Variants in CDK5 observed in about 807,000 individuals in gnomAD.
CDK5 encodes the protein cyclin dependent kinase 5.
Under a neutral mutation model 44.6 loss-of-function variants are expected in CDK5, and 18 were observed. That is an observed-to-expected ratio of 0.40 (90% CI 0.28 to 0.60). CDK5 has a LOEUF of 0.60. Among genes scored for constraint, CDK5 ranks in the 20% least tolerant of loss-of-function variants. The probability of loss-of-function intolerance (pLI) is 0.38; values close to 1 mark genes in which losing one functional copy is unlikely to be tolerated. For synonymous variants in CDK5, 143 were observed against 152.8 expected (o/e 0.94, Z 0.47); for missense variants, 198 against 368.1 (o/e 0.54, Z 3.78).
Position 151,056,051 on chromosome 7 carries a change from G to A in CDK5, c.313-203C>T, listed in dbSNP as rs1584973768. ...TAGAGGGACCAAAGTAAAGAAGCTGGCTCTGGTCCCCACCTTCCTGGACCA... is the reference window on the plus strand; with the variant it reads ...TAGAGGGACCAAAGTAAAGAAGCTGACTCTGGTCCCCACCTTCCTGGACCA... On this transcript the variant is annotated intron_variant, in intron 5 of 11. Coordinates refer to ENST00000485972, the MANE Select transcript of CDK5 (RefSeq NM_004935.4). This position sits in a 1 kb window ranked among gnomAD's most constrained non-coding sequence, Gnocchi z 4.7. 4 of 585,904 alleles carry A rather than the reference G, an allele frequency of 6.8e-6. No individual in the cohort carries two copies. The East Asian group carries it at 1.1e-4, about 16-fold the overall frequency. The allele number at this position is 585,904 out of a possible 1,614,324, so 36.3% of individuals were successfully genotyped here. A position where few individuals can be genotyped will look rare whatever the true frequency, so the allele number is the denominator to read the frequency against.
In CDK5 at chr7:151,054,137, A is replaced by C. The variant is rs1243535194; in HGVS notation, c.793-42T>G. ...GGAGGTGGCAGGTTCAGGACAGGTCACTGCCCAGAGCCCTGCCTTCCTGTA... is the reference window on the plus strand; with the variant it reads ...GGAGGTGGCAGGTTCAGGACAGGTCCCTGCCCAGAGCCCTGCCTTCCTGTA... On this transcript the variant is annotated intron_variant, in intron 11 of 11. Coordinates refer to ENST00000485972, the MANE Select transcript of CDK5 (RefSeq NM_004935.4). The surrounding 1 kb of genome is among the most constrained non-coding windows in gnomAD (Gnocchi z 5.7). 6.3e-6 allele frequency: 10 copies of C among 1,588,164 alleles called. No individual in the cohort carries two copies. Among genetic ancestry groups the C allele is most frequent in the Non-Finnish European group, 8.6e-6 (10 of 1,166,082 alleles).
rs750673037 is a variant in CDK5, at chr7:151,054,511, T to C, written c.651-46A>G. On this transcript the variant is annotated intron_variant, in intron 9 of 11. Coordinates refer to ENST00000485972, the MANE Select transcript of CDK5 (RefSeq NM_004935.4). This position sits in a 1 kb window ranked among gnomAD's most constrained non-coding sequence, Gnocchi z 5.7. ...CACTTGGGAAAGGGCCACAGCTGCA[T>C]CTTCAGGGGCAGGGTGAGGGCCTCT... The C allele has an allele frequency of 6.4e-7, 1 of 1,558,226 alleles. No homozygotes were observed. Among genetic ancestry groups the C allele is most frequent in the East Asian group, 2.3e-5 (1 of 44,360 alleles).
In CDK5 at chr7:151,055,519, T is replaced by C. The variant is rs759877946; in HGVS notation, c.483+13A>G. The C allele has an allele frequency of 1.9e-6, 3 of 1,612,616 alleles. No homozygotes were observed. Among genetic ancestry groups the C allele is most frequent in the Non-Finnish European group, 2.5e-6 (3 of 1,178,834 alleles). On this transcript the variant is annotated intron_variant, in intron 7 of 11. Transcript: ENST00000485972. ...CTCCCTCCCCCAATCCCATATCCCA[T>C]CTTCTAGCTCACCTCAGCTGAGTAA...
Position 151,057,612 on chromosome 7 carries a change from T to C in CDK5, c.37+200A>G, listed in dbSNP as rs2069444. On this transcript the variant is annotated intron_variant, in intron 1 of 11. Coordinates refer to ENST00000485972, the MANE Select transcript of CDK5 (RefSeq NM_004935.4). This position sits in a 1 kb window ranked among gnomAD's most constrained non-coding sequence, Gnocchi z 5.2. ...GTCGGGTCTACTGGGAACGCTAAGG[T>C]TGGAGTGAGAGCCCTGCGGGAAATG... 7.5e-3 allele frequency: 5,150 copies of C among 683,516 alleles called. 37 individuals carry two copies. The highest frequency in any genetic ancestry group is 9.3e-3 in the Non-Finnish European group (3,566 of 384,386). 42.3% of individuals were successfully genotyped at this position (683,516 alleles called of 1,614,324 possible).
Position 151,056,499 on chromosome 7 carries a change from A to G in CDK5, c.312+81T>C. 7.5e-7 allele frequency: 1 copy of G among 1,326,232 alleles called. No homozygotes were observed. The highest frequency in any genetic ancestry group is 2.4e-5 in the East Asian group (1 of 42,098). The allele number at this position is 1,326,232 out of a possible 1,614,324, so 82.2% of individuals were successfully genotyped here. On this transcript the variant is annotated intron_variant, in intron 5 of 11. Coordinates refer to ENST00000485972, the MANE Select transcript of CDK5 (RefSeq NM_004935.4). The surrounding 1 kb of genome is among the most constrained non-coding windows in gnomAD (Gnocchi z 4.7). ...CTAGAGTGTCCCTGTTCAGGGCCCA[A>G]ACTTAGAGCCCAAGGGGTGCTTACA...
chr7:151,056,932 T>C lies in CDK5; in HGVS notation c.170A>G (p.Glu57Gly). 1 of 1,613,230 alleles carries C rather than the reference T, an allele frequency of 6.2e-7. No homozygotes were observed. The highest frequency in any genetic ancestry group is 8.5e-7 in the Non-Finnish European group (1 of 1,179,574). Residue 57 changes from glutamate to glycine, a missense_variant, in exon 3 of 12, where the codon GAG becomes GGG. Coordinates refer to ENST00000485972, the MANE Select transcript of CDK5 (RefSeq NM_004935.4). This position sits in a 1 kb window ranked among gnomAD's most constrained non-coding sequence, Gnocchi z 4.7. ...SALREICLLK[E>G]LKHKNIVRLH... ...CCTGACGATGTTCTTGTGCTTCAGC[T>C]CCTTGAGTAGGCAGATCTCCCGGAG...
chr7:151,055,134 A>C (rs1323693797), intron 8 of CDK5, 38 bp from the exon 9 acceptor site: 3 of 1,595,192 alleles, frequency 1.9e-6, no homozygotes, highest in Non-Finnish European at 8.6e-7. Flanking sequence ...TGACATGTGA[A>C]GGACCCCTCA....
At chr7:151,055,163 C>T (rs1796869978) in intron 8 of CDK5, 67 bp from the exon 9 acceptor site, 3 of 1,573,098 alleles carry the variant, frequency 1.9e-6, no homozygotes, top group Non-Finnish European at 1.7e-6. Flanking sequence ...TACCCCCTGA[C>T]CTTCCAGCTC....
Position 151,055,521 on chromosome 7 carries a change from T to G in CDK5, c.483+11A>C, listed in dbSNP as rs2069456. 390,717 of 1,611,246 alleles carry G rather than the reference T, an allele frequency of 0.24. 50,996 individuals carry two copies. Among genetic ancestry groups the G allele is most frequent in the Admixed American group, 0.52 (31,025 of 59,912 alleles). ...CCCTCCCCCAATCCCATATCCCATC[T>G]TCTAGCTCACCTCAGCTGAGTAACA... On this transcript the variant is annotated intron_variant, in intron 7 of 11. Coordinates refer to ENST00000485972, the MANE Select transcript of CDK5 (RefSeq NM_004935.4).
In CDK5 at chr7:151,054,851, A is replaced by G. The variant is rs1057106868; in HGVS notation, c.650+176T>C. On this transcript the variant is annotated intron_variant, in intron 9 of 11. Coordinates refer to ENST00000485972, the MANE Select transcript of CDK5 (RefSeq NM_004935.4). This position sits in a 1 kb window ranked among gnomAD's most constrained non-coding sequence, Gnocchi z 5.7. ...CCAAGCCACACCTTCTCCAGTGTGC[A>G]TTTGCACTGTGACAATCAGGGTGTC... Among the ~76,000 whole-genome samples, 1 of 152,064 alleles carries G rather than the reference A, an allele frequency of 6.6e-6. No homozygotes were observed. Among genetic ancestry groups the G allele is most frequent in the Non-Finnish European group, 1.5e-5 (1 of 67,996 alleles).
At position 151,054,167 on chromosome 7, in the gene CDK5, C is replaced by T. The variant is rs1252743596; in HGVS notation, c.792+45G>A. On this transcript the variant is annotated intron_variant, in intron 11 of 11. Coordinates refer to ENST00000485972, the MANE Select transcript of CDK5 (RefSeq NM_004935.4). The surrounding 1 kb of genome is among the most constrained non-coding windows in gnomAD (Gnocchi z 5.7). ...CCAGAGCCCTGCCTTCCTGTAGTCC[C>T]ACTGGGCAAGTGTCCTGACCCACCC... 1 of 1,594,932 alleles carries T rather than the reference C, an allele frequency of 6.3e-7. No homozygotes were observed. Among genetic ancestry groups the T allele is most frequent in the East Asian group, 2.3e-5 (1 of 44,072 alleles).
At chr7:151,055,931 T>A in intron 5 of CDK5, 83 bp from the exon 6 acceptor site, 2 of 865,440 alleles carry the variant, frequency 2.3e-6, no homozygotes, top group Non-Finnish European at 3.8e-6. Flanking sequence ...CTCCTCACCC[T>A]GTGCTTCGCT....
At position 151,057,743 on chromosome 7, in the gene CDK5, C is replaced by T; in HGVS notation, c.37+69G>A. ...GTAGGCATTGCTGACGGTAAGGGAG[C>T]CAGGGCTTCAAGGAATGCCGAAGGA... On this transcript the variant is annotated intron_variant, in intron 1 of 11. Coordinates refer to ENST00000485972, the MANE Select transcript of CDK5 (RefSeq NM_004935.4). This position sits in a 1 kb window ranked among gnomAD's most constrained non-coding sequence, Gnocchi z 5.2. 2.6e-6 allele frequency: 4 copies of T among 1,531,030 alleles called. No homozygotes were observed. In the South Asian group the frequency reaches 4.7e-5, roughly 18 times the overall value. The allele number at this position is 1,531,030 out of a possible 1,614,324, so 94.8% of individuals were successfully genotyped here.
In CDK5 at chr7:151,053,963, GC is replaced by G; in HGVS notation, c.*45del. On this transcript the variant is annotated 3_prime_UTR_variant, in exon 12 of 12. Transcript: ENST00000485972. ...ACTGTCTCACCCCTCTCAAGAGGGG[GC>G]TTAAATAGGCCAGGCCCCAGCCTGG... 6.7e-7 allele frequency: 1 copy of G among 1,502,782 alleles called. No individual in the cohort carries two copies. The highest frequency in any genetic ancestry group is 9.0e-7 in the Non-Finnish European group (1 of 1,105,222). 93.1% of individuals were successfully genotyped at this position (1,502,782 alleles called of 1,614,324 possible).
Position 151,054,251 on chromosome 7 carries a change from G to A in CDK5, c.753C>T (p.Val251=), listed in dbSNP as rs763777369. ...MYPATTSLVN[V]VPKLNATGRD... ...TCCCTGTGGCATTGAGTTTGGGCAC[G>A]ACGTTCACCAGGGATGTTGTGGCCG... The change falls in exon 11 of 12, where the codon GTC becomes GTT. Residue 251 remains valine, a synonymous_variant. Coordinates refer to ENST00000485972, the MANE Select transcript of CDK5 (RefSeq NM_004935.4). This position sits in a 1 kb window ranked among gnomAD's most constrained non-coding sequence, Gnocchi z 5.7. 24 of 1,613,500 alleles carry A rather than the reference G, an allele frequency of 1.5e-5. No individual in the cohort carries two copies. In the African/African-American group the frequency reaches 1.6e-4, roughly 11 times the overall value.
At position 151,055,520 on chromosome 7, in the gene CDK5, C is replaced by A; in HGVS notation, c.483+12G>T. ...TCCCTCCCCCAATCCCATATCCCAT[C>A]TTCTAGCTCACCTCAGCTGAGTAAC... On this transcript the variant is annotated intron_variant, in intron 7 of 11. Coordinates refer to ENST00000485972, the MANE Select transcript of CDK5 (RefSeq NM_004935.4). 1 of 1,612,830 alleles carries A rather than the reference C, an allele frequency of 6.2e-7. No homozygotes were observed. Among genetic ancestry groups the A allele is most frequent in the Non-Finnish European group, 8.5e-7 (1 of 1,179,002 alleles).
At chr7:151,055,483 G>A (rs1468411451) in intron 7 of CDK5, 49 bp downstream of exon 7, 1 of 1,584,082 alleles carries the variant, frequency 6.3e-7, no homozygotes, top group Non-Finnish European at 8.7e-7. Flanking sequence ...CCTGGGGTTG[G>A]AGCTGAGGGA....
At position 151,055,599 on chromosome 7, in the gene CDK5, TC is replaced by T. The variant is rs1172131359; in HGVS notation, c.415del (p.Glu139SerfsTer2). 1 of 1,613,266 alleles carries T rather than the reference TC, an allele frequency of 6.2e-7. No homozygotes were observed. The highest frequency in any genetic ancestry group is 8.5e-7 in the Non-Finnish European group (1 of 1,179,772). On this transcript the variant is annotated frameshift_variant, in exon 7 of 12. Coordinates refer to ENST00000485972, the MANE Select transcript of CDK5 (RefSeq NM_004935.4). LOFTEE classifies it high-confidence loss of function. Reference protein sequence around the residue: ...PQNLLINRNGELKLADFGLAR... With the variant: ...PQNLLINRNGXLKLADFGLAR... ...CAGGCCAAAATCAGCCAATTTCAGC[TC>T]CCCATTCTGAAGGGAATGGGAAGGG...
chr7:151,057,161 C>A lies in CDK5; in HGVS notation c.38-1G>T, dbSNP rs757466188. 2 of 1,613,394 alleles carry A rather than the reference C, an allele frequency of 1.2e-6. No homozygotes were observed. Among genetic ancestry groups the A allele is most frequent in the Non-Finnish European group, 8.5e-7 (1 of 1,179,476 alleles). ...GCCTTGAACACAGTTCCGTAGGTGCCTAGGGGAAGGAGGTCAGGGGTCAGG... is the reference window on the plus strand; with the variant it reads ...GCCTTGAACACAGTTCCGTAGGTGCATAGGGGAAGGAGGTCAGGGGTCAGG... On this transcript the variant is annotated splice_acceptor_variant, in intron 1 of 11. Transcript: ENST00000485972. LOFTEE classifies it high-confidence loss of function. This position sits in a 1 kb window ranked among gnomAD's most constrained non-coding sequence, Gnocchi z 5.2.
Sources: gnomAD v4.1 joint callset for allele counts (sites outside exome capture counted in the v4.1 genomes callset) on GRCh38, gnomAD v4.1.1 for gene constraint, Gnocchi (gnomAD v3.1) non-coding constraint, MANE v1.5 for transcripts, NCBI Gene and HGNC (gene_info 2026-07-23, HGNC 2026-07-21) for gene names.